PHC3: variants seen among roughly 807,000 people sequenced by gnomAD.
PHC3 encodes the protein polyhomeotic homolog 3.
Under a neutral mutation model 107.4 loss-of-function variants are expected in PHC3, and 13 were observed. The observed-to-expected ratio is 0.12, with a 90% CI of 0.08 to 0.19. The LOEUF (loss-of-function observed/expected upper bound fraction) is 0.19. PHC3 is among the 10% of genes least tolerant of loss of function. PHC3 has a pLI of 1.00. For missense variants in PHC3, 992 were observed against 1,210.9 expected, an observed-to-expected ratio of 0.82 and a Z score of 2.68; for synonymous variants, 456 against 427.4, an observed-to-expected ratio of 1.07 and a Z score of -0.83.
At position 170,128,294 on chromosome 3, in the gene PHC3, T is replaced by C. The variant is rs958387241; in HGVS notation, c.1788+390A>G. The C allele has an allele frequency of 5.4e-5, 62 of 1,139,446 alleles. 1 individual carries two copies. Among genetic ancestry groups the C allele is most frequent in the South Asian group, 1.5e-5 (1 of 67,486 alleles). The allele number at this position is 1,139,446 out of a possible 1,614,324, so 70.6% of individuals were successfully genotyped here. ...GGTTAGGCTAGATAAACCATACGTT[T>C]TGAGAACATACAAGCCAACAGAAGG... On this transcript the variant is annotated intron_variant, in intron 8 of 14. Transcript: ENST00000495893.
chr3:170,163,516 C>T (rs1728247402), intron 4 of PHC3, among the ~76,000 whole-genome samples: 2 of 149,906 alleles, frequency 1.3e-5, no homozygotes, highest in Admixed American at 1.3e-4. Context: ...TGGCACTGTC[C>T]TCACATGAAA....
At chr3:170,180,334 A>G (rs1731184043) in intron 1 of PHC3, among the ~76,000 whole-genome samples, 1 of 152,130 alleles carries the variant, frequency 6.6e-6, no homozygotes, top group African/African-American at 2.4e-5. Flanking sequence ...CTGTGGTCCC[A>G]GCAACTTGAG....
chr3:170,150,531 T>TTAA, intron 4 of PHC3: 2 of 74,112 alleles, frequency 2.7e-5, no homozygotes, highest in Non-Finnish European at 5.0e-5. Context: ...CTGTCTCTAC[T>TTAA]AAAAAAAAAA....
At chr3:170,175,703 T>C (rs1278137571) in intron 2 of PHC3, among the ~76,000 whole-genome samples, 1 of 151,208 alleles carries the variant, frequency 6.6e-6, no homozygotes, top group Non-Finnish European at 1.5e-5. Context: ...GGCGGGCGGA[T>C]TACCAGCTCA....
chr3:170,128,430 T>C, intron 8 of PHC3: 1 of 1,299,386 alleles, frequency 7.7e-7, no homozygotes, highest in Non-Finnish European at 1.0e-6. Flanking sequence ...GCAGATGGAT[T>C]TGTTTAAATA....
intron 4 of PHC3, among the ~76,000 whole-genome samples, chr3:170,156,256 C>T (rs1363799276): frequency 6.6e-6 from 1 of 151,690 alleles, no homozygotes; most frequent in Non-Finnish European, 1.5e-5. Context: ...CGGCCCTATG[C>T]AGAATTTTTT....
chr3:170,126,528 A>T (rs9845307), intron 8 of PHC3, among the ~76,000 whole-genome samples: 12,142 of 90,276 alleles, frequency 0.13, 850 homozygotes, highest in Non-Finnish European at 0.15. Flanking sequence ...ATATATATAT[A>T]TTTTTTTTTT....
intron 6 of PHC3, among the ~76,000 whole-genome samples, chr3:170,140,655 G>A (rs1396220918): frequency 3.3e-5 from 4 of 122,880 alleles, no homozygotes. Context: ...CTGTAGTGGT[G>A]CGATCTCGGC....
chr3:170,126,676 G>A (rs933294794), intron 8 of PHC3, among the ~76,000 whole-genome samples: 4 of 151,388 alleles, frequency 2.6e-5, no homozygotes, highest in African/African-American at 9.7e-5. Context: ...CAAGTAGCTG[G>A]GATTACAGGC....
In PHC3 at chr3:170,097,078, G is replaced by T; in HGVS notation, c.*152C>A. The T allele has an allele frequency of 1.7e-6, 1 of 596,214 alleles. No homozygotes were observed. The highest frequency in any genetic ancestry group is 2.7e-6 in the Non-Finnish European group (1 of 364,166). The allele number at this position is 596,214 out of a possible 1,614,324, so 36.9% of individuals were successfully genotyped here. A position where few individuals can be genotyped will look rare whatever the true frequency, so the allele number is the denominator to read the frequency against. On this transcript the variant is annotated 3_prime_UTR_variant, in exon 15 of 15. Coordinates refer to ENST00000495893, the MANE Select transcript of PHC3 (RefSeq NM_024947.4). The surrounding 1 kb of genome is among the most constrained non-coding windows in gnomAD (Gnocchi z 4.1). Reference sequence around the variant, plus strand: ...AAATGCATGATGAATTATTATACCTGTAGAAGAAATGTCAGTATTTGATGT... The same window carrying T: ...AAATGCATGATGAATTATTATACCTTTAGAAGAAATGTCAGTATTTGATGT...
intron 12 of PHC3, among the ~76,000 whole-genome samples, chr3:170,103,821 G>A (rs1343341785): frequency 6.6e-6 from 1 of 152,250 alleles, no homozygotes; most frequent in Non-Finnish European, 1.5e-5. Flanking sequence ...GGAGGCCAAG[G>A]TGGGTGGATT....
rs1385752346 is a variant in PHC3, at chr3:170,087,824, T to C, written c.*9406A>G. The stretch of plus-strand genomic sequence containing the variant: ...TTTAATTTAATAGTTAATGTTGCCA[T>C]CAACAAACATTTAAATGCTCAATTT... On this transcript the variant is annotated 3_prime_UTR_variant, in exon 15 of 15. Transcript: ENST00000495893. 6.6e-6 allele frequency: 1 copy of C among 152,150 alleles called. No homozygotes were observed. The highest frequency in any genetic ancestry group is 2.4e-5 in the African/African-American group (1 of 41,444). 9.4% of individuals were successfully genotyped at this position (152,150 alleles called of 1,614,324 possible).
chr3:170,175,828 G>A (rs1304319842), intron 2 of PHC3, among the ~76,000 whole-genome samples: 5 of 151,886 alleles, frequency 3.3e-5, no homozygotes, highest in Non-Finnish European at 7.4e-5. Flanking sequence ...GGAGGCTGAG[G>A]CAGGAGAATC....
At chr3:170,108,621 T>C (rs951234766) in intron 11 of PHC3, among the ~76,000 whole-genome samples, 3 of 152,120 alleles carry the variant, frequency 2.0e-5, no homozygotes, top group Non-Finnish European at 4.4e-5. Flanking sequence ...AGTCAGGAGA[T>C]CCACCAACAC....
At chr3:170,148,190 A>AC (rs1367688828) in intron 5 of PHC3, 3 of 152,066 alleles carry the variant, frequency 2.0e-5, no homozygotes, top group African/African-American at 7.3e-5. Context: ...AATCACTTGA[A>AC]CCCGGGAGGC....
At chr3:170,153,678 G>A (rs1207494223) in intron 4 of PHC3, among the ~76,000 whole-genome samples, 1 of 151,528 alleles carries the variant, frequency 6.6e-6, no homozygotes, top group Admixed American at 6.6e-5. Flanking sequence ...CAGGAGAATG[G>A]CGTGAACCCG....
At chr3:170,162,919 TTTA>T (rs1247631046) in intron 4 of PHC3, among the ~76,000 whole-genome samples, 72 of 152,236 alleles carry the variant, frequency 4.7e-4, no homozygotes, top group African/African-American at 1.7e-3. Flanking sequence ...AAAGGCCACC[TTTA>T]TTAACAAGGC....
chr3:170,136,959 G>A (rs1723178824), intron 6 of PHC3, among the ~76,000 whole-genome samples: 2 of 151,638 alleles, frequency 1.3e-5, no homozygotes. Flanking sequence ...GGGAAGGGGA[G>A]GAGAAGGGAA....
At chr3:170,157,797 C>T (rs1172368968) in intron 4 of PHC3, among the ~76,000 whole-genome samples, 1 of 151,860 alleles carries the variant, frequency 6.6e-6, no homozygotes, top group Non-Finnish European at 1.5e-5. Flanking sequence ...GGTTCTTGAT[C>T]TAAAAACAAT....
Sources: gnomAD v4.1 joint callset for allele counts (sites outside exome capture counted in the v4.1 genomes callset) on GRCh38, gnomAD v4.1.1 for gene constraint, Gnocchi (gnomAD v3.1) non-coding constraint, MANE v1.5 for transcripts, NCBI Gene and HGNC (gene_info 2026-07-23, HGNC 2026-07-21) for gene names.